Variants in LINGO2 observed in about 807,000 individuals in gnomAD.
LINGO2 encodes leucine-rich repeat and immunoglobulin-like domain-containing nogo receptor-interacting protein 2.
Under a neutral mutation model 30.6 loss-of-function variants are expected in LINGO2, and 14 were observed. That is an observed-to-expected ratio of 0.46 (90% CI 0.30 to 0.72). The LOEUF (loss-of-function observed/expected upper bound fraction) is 0.72. Ranked by LOEUF, LINGO2 falls within the 30% of genes least tolerant of loss-of-function variation. LINGO2 has a pLI of 0.07. For missense variants in LINGO2, 729 were observed against 751.7 expected (o/e 0.97, Z 0.35); for synonymous variants, 317 against 288.5 (o/e 1.10, Z -1.00).
chr9:29,197,784 T>A, the LINGO2 span, among the ~76,000 whole-genome samples: 3 of 152,100 alleles, frequency 2.0e-5, no homozygotes, highest in African/African-American at 7.2e-5. Flanking sequence ...ATTGATTCAC[T>A]GTTTAAGCTG....
chr9:28,809,679 GA>G, the LINGO2 span, among the ~76,000 whole-genome samples: 1 of 150,066 alleles, frequency 6.7e-6, no homozygotes, highest in African/African-American at 2.5e-5. Context: ...CCGGGAGGCG[GA>G]GGTTGCAGTG....
At chr9:29,040,295 G>C in the LINGO2 span, among the ~76,000 whole-genome samples, 1 of 151,786 alleles carries the variant, frequency 6.6e-6, no homozygotes, top group Non-Finnish European at 1.5e-5. Context: ...ATATAAATTT[G>C]GAATCTTTAT....
the LINGO2 span, among the ~76,000 whole-genome samples, chr9:28,994,501 A>C: frequency 6.6e-6 from 1 of 151,558 alleles, no homozygotes; most frequent in South Asian, 2.1e-4. Context: ...CTTTCTTCAC[A>C]GAATTGGAAA....
chr9:28,167,150 C>CA (rs1328056763), intron 4 of LINGO2, among the ~76,000 whole-genome samples: 9 of 139,350 alleles, frequency 6.5e-5, no homozygotes, highest in African/African-American at 2.3e-4. Flanking sequence ...CCCCCCCCCC[C>CA]CACTTTTCTT....
chr9:29,094,826 T>A, the LINGO2 span, among the ~76,000 whole-genome samples: 1 of 139,446 alleles, frequency 7.2e-6, no homozygotes, highest in East Asian at 2.4e-4. Flanking sequence ...TAGACATTTT[T>A]AAATTATATT....
chr9:28,881,176 G>A, the LINGO2 span, among the ~76,000 whole-genome samples: 4 of 152,092 alleles, frequency 2.6e-5, no homozygotes, highest in Non-Finnish European at 5.9e-5. Flanking sequence ...CACCCGACTA[G>A]AAATACCCAC....
At chr9:28,854,913 C>A in the LINGO2 span, among the ~76,000 whole-genome samples, 5 of 151,782 alleles carry the variant, frequency 3.3e-5, no homozygotes, top group Non-Finnish European at 5.9e-5. Context: ...AAAAGAATGT[C>A]AATTATTAAA....
At chr9:28,521,821 G>T (rs1820839368) in intron 1 of LINGO2, among the ~76,000 whole-genome samples, 1 of 152,226 alleles carries the variant, frequency 6.6e-6, no homozygotes, top group Admixed American at 6.5e-5. Context: ...GTCCTAATAA[G>T]AAAATGGAAA....
the LINGO2 span, among the ~76,000 whole-genome samples, chr9:28,985,392 T>A: frequency 6.6e-6 from 1 of 152,104 alleles, no homozygotes; most frequent in African/African-American, 2.4e-5. Flanking sequence ...GAAGTGGGTT[T>A]GCTTGATCAT....
chr9:28,854,060 A>G, the LINGO2 span, among the ~76,000 whole-genome samples: 2 of 151,952 alleles, frequency 1.3e-5, no homozygotes, highest in Non-Finnish European at 2.9e-5. Context: ...CAATGACAGG[A>G]GACATTTTTG....
chr9:28,586,466 C>T (rs1028801639), intron 1 of LINGO2, among the ~76,000 whole-genome samples: 8 of 151,898 alleles, frequency 5.3e-5, no homozygotes, highest in African/African-American at 1.9e-4. Flanking sequence ...TTCATGCAAC[C>T]ATCCTTTTAA....
At chr9:28,806,539 C>A in the LINGO2 span, among the ~76,000 whole-genome samples, 1,244 of 152,178 alleles carry the variant, frequency 8.2e-3, 16 homozygotes, top group African/African-American at 0.029. Context: ...CTACAGACTG[C>A]TCCTATAATA....
chr9:28,487,001 G>A (rs1250621431), intron 1 of LINGO2, among the ~76,000 whole-genome samples: 1 of 152,010 alleles, frequency 6.6e-6, no homozygotes, highest in African/African-American at 2.4e-5. Context: ...TGGCCTCAAG[G>A]TAGAGTAAAA....
intron 1 of LINGO2, among the ~76,000 whole-genome samples, chr9:28,641,654 G>T (rs1827587670): frequency 6.6e-6 from 1 of 152,184 alleles, no homozygotes; most frequent in Admixed American, 6.5e-5. Context: ...ATATCATGGA[G>T]ATTTTTCAGT....
At chr9:28,953,489 C>G in the LINGO2 span, among the ~76,000 whole-genome samples, 1 of 151,880 alleles carries the variant, frequency 6.6e-6, no homozygotes, top group Non-Finnish European at 1.5e-5. Context: ...ACCCATAAAA[C>G]AGTAACATAA....
the LINGO2 span, among the ~76,000 whole-genome samples, chr9:28,843,225 A>G: frequency 2.6e-5 from 4 of 151,732 alleles, 1 homozygote; most frequent in Admixed American, 1.3e-4. Context: ...AGGTTAAACT[A>G]TAAGAAATAG....
the LINGO2 span, among the ~76,000 whole-genome samples, chr9:28,878,751 C>T: frequency 1.3e-5 from 2 of 152,112 alleles, no homozygotes; most frequent in Non-Finnish European, 2.9e-5. Flanking sequence ...ATGATTATCT[C>T]AATAGATGCA....
chr9:28,278,813 A>T (rs1049630208), intron 4 of LINGO2, among the ~76,000 whole-genome samples: 3 of 152,202 alleles, frequency 2.0e-5, no homozygotes, highest in Non-Finnish European at 4.4e-5. Flanking sequence ...AGGTTTTATT[A>T]TTTAAGAAAT....
the LINGO2 span, among the ~76,000 whole-genome samples, chr9:28,756,391 A>C: frequency 3.2e-4 from 48 of 152,162 alleles, 1 homozygote; most frequent in South Asian, 8.7e-3. Context: ...TTACAGGCTC[A>C]TAGGCAAAAG....
Sources: allele counts gnomAD v4.1 joint callset (sites outside exome capture counted in the v4.1 genomes callset), GRCh38; gene constraint gnomAD v4.1.1; transcripts MANE v1.5; gene names NCBI Gene and HGNC (gene_info 2026-07-23, HGNC 2026-07-21).